BSCL2: variants seen among roughly 807,000 people sequenced by gnomAD.
BSCL2 encodes the protein seipin.
Under a neutral mutation model 57.4 loss-of-function variants are expected in BSCL2, and 41 were observed. That is an observed-to-expected ratio of 0.71 (90% CI 0.56 to 0.93). The LOEUF is 0.93. Among genes scored for constraint, BSCL2 ranks in the 40% least tolerant of loss-of-function variants. The pLI is 0.00. For missense variants in BSCL2, 539 were observed against 586.7 expected, an observed-to-expected ratio of 0.92 and a Z score of 0.84; for synonymous variants, 237 against 227.3, an observed-to-expected ratio of 1.04 and a Z score of -0.38.
intron 2 of BSCL2, among the ~76,000 whole-genome samples, chr11:62,703,328 T>C (rs992344029): frequency 1.4e-5 from 2 of 148,126 alleles, no homozygotes; most frequent in Admixed American, 6.8e-5. Context: ...GTGCAGCATA[T>C]GCCTGGGCAT....
rs992798957 is a variant in BSCL2, at chr11:62,707,410, G to A, written c.-215C>T. 2 of 701,930 alleles carry A rather than the reference G, an allele frequency of 2.8e-6. No individual in the cohort carries two copies. The highest frequency in any genetic ancestry group is 5.2e-6 in the Non-Finnish European group (2 of 386,090). 43.5% of individuals were successfully genotyped at this position (701,930 alleles called of 1,614,324 possible). On this transcript the variant is annotated 5_prime_UTR_variant, in exon 1 of 11. Transcript: ENST00000360796. ...GGAGGGGGGCGACTGCCCAGCTGAT[G>A]TCAGATTTTCAAATGAGCAGGGTCC...
In BSCL2 at chr11:62,707,352, T is replaced by C. The variant is rs778668917; in HGVS notation, c.-157A>G. On this transcript the variant is annotated 5_prime_UTR_variant, in exon 1 of 11. Coordinates refer to ENST00000360796, the MANE Select transcript of BSCL2 (RefSeq NM_001122955.4). ...GGGAGAGAAACGAAGATTCAGGTGC[T>C]AAGTGCTGTGTCAGAGTAGAGGGAG... 5.4e-6 allele frequency: 4 copies of C among 744,592 alleles called. No individual in the cohort carries two copies. The South Asian group carries it at 5.9e-5, about 11-fold the overall frequency. 46.1% of individuals were successfully genotyped at this position (744,592 alleles called of 1,614,324 possible).
chr11:62,707,364 C>A lies in BSCL2; in HGVS notation c.-169G>T. 1.4e-6 allele frequency: 1 copy of A among 728,024 alleles called. No individual in the cohort carries two copies. The highest frequency in any genetic ancestry group is 1.5e-5 in the South Asian group (1 of 68,000). 45.1% of individuals were successfully genotyped at this position (728,024 alleles called of 1,614,324 possible). ...AAGATTCAGGTGCTAAGTGCTGTGT[C>A]AGAGTAGAGGGAGGAAAGGAGGAGG... On this transcript the variant is annotated 5_prime_UTR_variant, in exon 1 of 11. Transcript: ENST00000360796.
chr11:62,707,061 ACCTATTT>A, intron 1 of BSCL2, 41 bp downstream of exon 1: 1 of 1,491,076 alleles, frequency 6.7e-7, no homozygotes, highest in Non-Finnish European at 9.2e-7. Flanking sequence ...ACGCCAGCCC[ACCTATTT>A]CCAGTATATT....
At position 62,694,629 on chromosome 11, in the gene BSCL2, A is replaced by ATG. The variant is rs1244155207; in HGVS notation, c.568_569insCA (p.Phe190SerfsTer23). On this transcript the variant is annotated frameshift_variant, in exon 4 of 11. Coordinates refer to ENST00000360796, the MANE Select transcript of BSCL2 (RefSeq NM_001122955.4). LOFTEE classifies it high-confidence loss of function. ...GGTGTAGCAGGAAATGGTGACCAAG[A>ATG]ACATGCCCAAATCTTGATTCACAGG... 5 of 1,614,048 alleles carry ATG rather than the reference A, an allele frequency of 3.1e-6. No homozygotes were observed. The highest frequency in any genetic ancestry group is 2.7e-5 in the African/African-American group (2 of 74,928).
At chr11:62,696,804 C>T (rs1945480782) in intron 3 of BSCL2, among the ~76,000 whole-genome samples, 1 of 152,136 alleles carries the variant, frequency 6.6e-6, no homozygotes, top group African/African-American at 2.4e-5. Context: ...GCAATCCTGC[C>T]TTGGCCTCCC....
At position 62,707,122 on chromosome 11, in the gene BSCL2, G is replaced by C. The variant is rs745575653; in HGVS notation, c.74C>G (p.Pro25Arg). ...AAGGGCCCCTACCTCCTCTTTGTCC[G>C]GTCCTTTGATCTGGTCTCCGCACAC... ...KEVCGDQIKG[P>R]DKEEEPPAAA... Residue 25 changes from proline to arginine, a missense_variant, in exon 1 of 11, where the codon CCG (proline) becomes CGG (arginine). Physicochemically the swap from Pro to Arg is moderately radical, Grantham distance 103 (BLOSUM62 -2). This residue lies in a region of BSCL2 where 218 missense variants were observed against 224.8 expected (regional missense o/e 0.97). Coordinates refer to ENST00000360796, the MANE Select transcript of BSCL2 (RefSeq NM_001122955.4). 30 of 1,553,614 alleles carry C rather than the reference G, an allele frequency of 1.9e-5. No individual in the cohort carries two copies. Among genetic ancestry groups the C allele is most frequent in the Non-Finnish European group, 4.4e-6 (5 of 1,147,630 alleles).
chr11:62,690,973 C>T (rs990671786), intron 8 of BSCL2, 102 bp downstream of exon 8: 12 of 1,577,304 alleles, frequency 7.6e-6, no homozygotes, highest in South Asian at 3.3e-5. Flanking sequence ...TTGTCTCAGT[C>T]GGTGATACCC....
intron 1 of BSCL2, chr11:62,706,035 G>T: frequency 4.1e-6 from 1 of 241,418 alleles, no homozygotes; most frequent in Non-Finnish European, 7.4e-6. Context: ...GAAACCAGTA[G>T]CCTTAGAGTA....
At chr11:62,692,000 C>T (rs938924517) in intron 6 of BSCL2, among the ~76,000 whole-genome samples, 37 of 151,220 alleles carry the variant, frequency 2.4e-4, no homozygotes, top group East Asian at 2.0e-4. Flanking sequence ...TGCAGTGAGC[C>T]GAGGTCGCGC....
intron 1 of BSCL2, chr11:62,706,355 G>T: frequency 9.2e-7 from 1 of 1,083,600 alleles, no homozygotes; most frequent in Non-Finnish European, 1.2e-6. Context: ...GCCGTGGGAG[G>T]CGGGGCTTCA....
chr11:62,690,622 C>T lies in BSCL2; in HGVS notation c.1224G>A (p.Glu408=). The change falls in exon 10 of 11, where the codon GAG becomes GAA. Residue 408 remains glutamate (E), a synonymous_variant. Coordinates refer to ENST00000360796, the MANE Select transcript of BSCL2 (RefSeq NM_001122955.4). ...PLSGEEELEP[E]ASDGSGSWED... ...CAGGATGCCCCTCACCATCACTGGC[C>T]TCAGGCTCTAGCTCCTCTTCTCCGC... The T allele has an allele frequency of 1.9e-6, 3 of 1,614,022 alleles. No homozygotes were observed. In the South Asian group the frequency reaches 3.3e-5, roughly 18 times the overall value.
chr11:62,692,518 C>G, intron 5 of BSCL2, 45 bp from the exon 6 acceptor site: 1 of 1,610,766 alleles, frequency 6.2e-7, no homozygotes, highest in South Asian at 1.1e-5. Flanking sequence ...AGGGTCCTGC[C>G]GCTAGCACTC....
At chr11:62,691,171 G>A (rs1945299605) in intron 7 of BSCL2, 30 bp from the exon 8 acceptor site, 5 of 1,614,060 alleles carry the variant, frequency 3.1e-6, no homozygotes, top group Non-Finnish European at 2.5e-6. Flanking sequence ...GAGCAGCCAG[G>A]ACTGACTTCC....
At chr11:62,705,705 A>G (rs2083518856) in intron 1 of BSCL2, 88 bp from the exon 2 acceptor site, 1 of 1,255,696 alleles carries the variant, frequency 8.0e-7, no homozygotes, top group Non-Finnish European at 1.1e-6. Context: ...TTGAGGAACG[A>G]GAGATAGCAG....
rs374017840 is a variant in BSCL2, at chr11:62,690,315, G to T, written c.*52C>A. 1 of 1,611,866 alleles carries T rather than the reference G, an allele frequency of 6.2e-7. No individual in the cohort carries two copies. The highest frequency in any genetic ancestry group is 1.7e-5 in the Admixed American group (1 of 60,004). On this transcript the variant is annotated 3_prime_UTR_variant, in exon 11 of 11. Coordinates refer to ENST00000360796, the MANE Select transcript of BSCL2 (RefSeq NM_001122955.4). ...TAGTTTATTGAAGGAAAAACGAGGG[G>T]AGAGGAGTCAGGTGGGAAAGTGCTG...
At position 62,699,576 on chromosome 11, in the gene BSCL2, C is replaced by T. The variant is rs139118832; in HGVS notation, c.486+2892G>A. ...AGATTCTAGGCCAGGCATGGTGGCT[C>T]ATACCTGTAATCCCAGCAGTTTGGA... On this transcript the variant is annotated intron_variant, in intron 3 of 10. Coordinates refer to ENST00000360796, the MANE Select transcript of BSCL2 (RefSeq NM_001122955.4). 7.3e-3 allele frequency among the ~76,000 whole-genome samples: 1,114 copies of T among 151,910 alleles called. 8 individuals carry two copies. The highest frequency in any genetic ancestry group is 0.012 in the Non-Finnish European group (793 of 67,978).
Position 62,707,196 on chromosome 11 carries a change from C to A in BSCL2, c.-1G>T. 1 of 1,552,344 alleles carries A rather than the reference C, an allele frequency of 6.4e-7. No individual in the cohort carries two copies. The highest frequency in any genetic ancestry group is 1.2e-5 in the South Asian group (1 of 84,100). On this transcript the variant is annotated 5_prime_UTR_variant, in exon 1 of 11. Coordinates refer to ENST00000360796, the MANE Select transcript of BSCL2 (RefSeq NM_001122955.4). The stretch of plus-strand genomic sequence containing the variant: ...TTTGGTCTACCTTTTCTGTAGACAT[C>A]TTCCTGACGAGCCTCTGTTGACTCT...
chr11:62,691,481 C>A, intron 6 of BSCL2, 60 bp from the exon 7 acceptor site: 4 of 1,584,416 alleles, frequency 2.5e-6, no homozygotes, highest in Non-Finnish European at 2.6e-6. Flanking sequence ...CCAGCCTTCT[C>A]ATGTCCCAGA....
Sources: gnomAD v4.1 joint callset for allele counts (sites outside exome capture counted in the v4.1 genomes callset) on GRCh38, gnomAD v4.1.1 for gene constraint, gnomAD v4.1.1 regional missense constraint, MANE v1.5 for transcripts, NCBI Gene and HGNC (gene_info 2026-07-23, HGNC 2026-07-21) for gene names.